The following AFF1 variants were observed in gnomAD, a reference collection of about 807,000 sequenced individuals.
AFF1 encodes the protein ALF transcription elongation factor 1.
Under a neutral mutation model 121.7 loss-of-function variants are expected in AFF1, and 48 were observed. The ratio of observed to expected loss-of-function variants is 0.39; its 90% CI spans 0.31 to 0.50. AFF1 has a LOEUF of 0.50. AFF1 is among the 20% of genes least tolerant of loss of function. The pLI, the probability that AFF1 is intolerant of heterozygous loss-of-function variation, is 0.76. For synonymous variants in AFF1, 613 were observed against 563.0 expected (o/e 1.09, Z -1.26); for missense variants, 1,523 against 1,511.7 (o/e 1.01, Z -0.12).
intron 2 of AFF1, among the ~76,000 whole-genome samples, chr4:87,017,372 CTTAAAACACCGCTCA>C (rs982745526): frequency 6.6e-6 from 1 of 152,006 alleles, no homozygotes; most frequent in Admixed American, 6.6e-5. Context: ...TATATGTGAT[CTTAAAACACCGCTCA>C]TTTTCCCCCA....
intron 8 of AFF1, among the ~76,000 whole-genome samples, chr4:87,105,269 C>T (rs1048354815): frequency 9.2e-5 from 14 of 152,152 alleles, no homozygotes; most frequent in African/African-American, 3.1e-4. Context: ...TTTGCATGGA[C>T]CCTGACTTCA....
At chr4:86,977,057 T>TC (rs559590984) in intron 2 of AFF1, among the ~76,000 whole-genome samples, 56 of 152,318 alleles carry the variant, frequency 3.7e-4, no homozygotes, top group African/African-American at 1.3e-3. Flanking sequence ...CTGTTGGAAA[T>TC]CCATGAAGGC....
intron 11 of AFF1, among the ~76,000 whole-genome samples, chr4:87,113,641 A>AT (rs1456150224): frequency 6.6e-6 from 1 of 152,240 alleles, no homozygotes; most frequent in Non-Finnish European, 1.5e-5. Flanking sequence ...TTATCAAGGT[A>AT]TAAAAATTGC....
At chr4:86,969,778 G>A (rs1722800041) in intron 2 of AFF1, among the ~76,000 whole-genome samples, 1 of 150,330 alleles carries the variant, frequency 6.7e-6, no homozygotes, top group Non-Finnish European at 1.5e-5. Context: ...TACTCGGGAG[G>A]CTGAGGCGGA....
intron 2 of AFF1, among the ~76,000 whole-genome samples, chr4:86,988,416 T>A (rs1434038264): frequency 6.6e-6 from 1 of 152,012 alleles, no homozygotes; most frequent in African/African-American, 2.4e-5. Context: ...AGTAAAAACA[T>A]GCGATATTTG....
Position 86,960,836 on chromosome 4 carries a change from T to C in AFF1, c.38+12265T>C, listed in dbSNP as rs185931597. On this transcript the variant is annotated intron_variant, in intron 2 of 20. Coordinates refer to ENST00000395146, the MANE Select transcript of AFF1 (RefSeq NM_001166693.3). Reference sequence around the variant, plus strand: ...CAAGCCCTACCAGATTTTAAACAACTGGAGGTCAGAGACTGCCCTTTGTAA... The same window carrying C: ...CAAGCCCTACCAGATTTTAAACAACCGGAGGTCAGAGACTGCCCTTTGTAA... Among the ~76,000 whole-genome samples, 16 of 152,312 alleles carry C rather than the reference T, an allele frequency of 1.1e-4. 1 individual carries two copies. In the East Asian group the frequency reaches 1.9e-3, roughly 18 times the overall value.
intron 7 of AFF1, 76 bp from the exon 8 acceptor site, chr4:87,094,839 G>C: frequency 7.0e-7 from 1 of 1,436,496 alleles, no homozygotes; most frequent in Non-Finnish European, 9.8e-7. Flanking sequence ...ACTGGGGACC[G>C]ACATAAAAGA....
chr4:87,081,751 A>G (rs1010340434), intron 4 of AFF1, among the ~76,000 whole-genome samples: 1 of 152,232 alleles, frequency 6.6e-6, no homozygotes. Context: ...GAAGATTAAC[A>G]GTAAATTAAC....
intron 2 of AFF1, among the ~76,000 whole-genome samples, chr4:87,011,489 GC>G (rs1726753614): frequency 1.3e-5 from 2 of 152,082 alleles, no homozygotes; most frequent in Non-Finnish European, 2.9e-5. Context: ...CCTGCCCTAT[GC>G]CCCGTCTCTG....
chr4:86,979,405 C>G (rs1170969977), intron 2 of AFF1, among the ~76,000 whole-genome samples: 1 of 152,098 alleles, frequency 6.6e-6, no homozygotes, highest in African/African-American at 2.4e-5. Flanking sequence ...CCTGCCCCTG[C>G]TTCTCTTAAC....
chr4:87,132,168 G>T, intron 18 of AFF1, 103 bp from the exon 19 acceptor site: 1 of 1,392,014 alleles, frequency 7.2e-7, no homozygotes, highest in South Asian at 1.4e-5. Context: ...AACTCACACA[G>T]GTGAGGCAAA....
chr4:87,054,551 A>G (rs1232297296), intron 4 of AFF1, among the ~76,000 whole-genome samples: 1 of 152,218 alleles, frequency 6.6e-6, no homozygotes, highest in Non-Finnish European at 1.5e-5. Context: ...TGGTAACTCT[A>G]GATTCCGTAA....
At chr4:87,073,602 G>C (rs960433240) in intron 4 of AFF1, among the ~76,000 whole-genome samples, 17 of 152,164 alleles carry the variant, frequency 1.1e-4, no homozygotes, top group African/African-American at 3.9e-4. Context: ...ATAAGCCCAG[G>C]ATAAAATCTT....
intron 2 of AFF1, among the ~76,000 whole-genome samples, chr4:86,958,149 A>G (rs375534982): frequency 6.2e-4 from 80 of 129,108 alleles, no homozygotes; most frequent in African/African-American, 2.2e-3. Flanking sequence ...GCTGGAGTGC[A>G]GTGGTGCCAT....
At chr4:87,061,561 T>C (rs1279993247) in intron 4 of AFF1, among the ~76,000 whole-genome samples, 1 of 152,210 alleles carries the variant, frequency 6.6e-6, no homozygotes, top group Non-Finnish European at 1.5e-5. Flanking sequence ...TACCTTCACA[T>C]TGAAATCTGG....
At position 87,136,706 on chromosome 4, in the gene AFF1, CAT is replaced by C. The variant is rs1372530293; in HGVS notation, c.*1006_*1007del. The C allele has an allele frequency of 2.6e-5, 6 of 229,270 alleles. No individual in the cohort carries two copies. Among genetic ancestry groups the C allele is most frequent in the East Asian group, 6.2e-5 (1 of 16,090 alleles). The allele number at this position is 229,270 out of a possible 1,614,324, so 14.2% of individuals were successfully genotyped here. A position where few individuals can be genotyped will look rare whatever the true frequency, so the allele number is the denominator to read the frequency against. On this transcript the variant is annotated 3_prime_UTR_variant, in exon 21 of 21. Coordinates refer to ENST00000395146, the MANE Select transcript of AFF1 (RefSeq NM_001166693.3). ...TGTGGTCTACAGTTATGTGGTAACTCATGTTGTCCAGCCAACTCAGAGTTTCG... is the reference window on the plus strand; with the variant it reads ...TGTGGTCTACAGTTATGTGGTAACTCGTTGTCCAGCCAACTCAGAGTTTCG...
chr4:87,113,489 T>G (rs1336599212), intron 11 of AFF1, among the ~76,000 whole-genome samples: 2 of 152,166 alleles, frequency 1.3e-5, no homozygotes, highest in Non-Finnish European at 2.9e-5. Context: ...CAGGCTGGTC[T>G]TGAACTCCTG....
At chr4:86,995,948 T>C (rs1295369176) in intron 2 of AFF1, among the ~76,000 whole-genome samples, 8 of 139,742 alleles carry the variant, frequency 5.7e-5, no homozygotes, top group East Asian at 2.2e-4. Flanking sequence ...GTGAGGAGCG[T>C]CTCTGCCCGG....
intron 2 of AFF1, among the ~76,000 whole-genome samples, chr4:86,954,684 G>A (rs901598472): frequency 2.0e-5 from 3 of 152,246 alleles, no homozygotes; most frequent in African/African-American, 7.2e-5. Context: ...AGCCAAGATT[G>A]CACCACTGCA....
Sources: allele counts gnomAD v4.1 joint callset (sites outside exome capture counted in the v4.1 genomes callset), GRCh38; gene constraint gnomAD v4.1.1; transcripts MANE v1.5; gene names NCBI Gene and HGNC (gene_info 2026-07-23, HGNC 2026-07-21).